The following RBPJ variants were observed in gnomAD, a reference collection of about 807,000 sequenced individuals.
RBPJ encodes the protein recombining binding protein suppressor of hairless.
A neutral mutation model predicts 67.8 loss-of-function variants in RBPJ; 9 were observed. The ratio of observed to expected loss-of-function variants is 0.13; its 90% confidence interval spans 0.08 to 0.23. The LOEUF is 0.23. RBPJ is among the 10% of genes least tolerant of loss of function. The pLI, the probability that RBPJ is intolerant of heterozygous loss-of-function variation, is 1.00. For synonymous variants in RBPJ, 198 were observed against 203.3 expected (o/e 0.97, Z 0.22); for missense variants, 305 against 595.6 (o/e 0.51, Z 5.08).
the RBPJ span, among the ~76,000 whole-genome samples, chr4:26,116,638 C>T: frequency 1.3e-5 from 2 of 152,196 alleles, no homozygotes; most frequent in East Asian, 3.8e-4. Context: ...GCTTCTTATG[C>T]CCATGAAGGT....
intron 1 of RBPJ, among the ~76,000 whole-genome samples, chr4:26,209,652 T>C (rs1163345577): frequency 9.5e-4 from 109 of 114,960 alleles, no homozygotes; most frequent in Middle Eastern, 5.3e-3. Context: ...CCTCCTTCCC[T>C]CTCTCCCTCC....
intron 1 of RBPJ, among the ~76,000 whole-genome samples, chr4:26,212,522 C>T (rs1219807781): frequency 1.4e-5 from 2 of 147,972 alleles, no homozygotes; most frequent in Non-Finnish European, 3.0e-5. Context: ...CTGCAACTTC[C>T]ACCTCCCAGG....
At chr4:26,292,422 A>AAT (rs1721700441) in intron 1 of RBPJ, among the ~76,000 whole-genome samples, 1 of 149,820 alleles carries the variant, frequency 6.7e-6, no homozygotes, top group Non-Finnish European at 1.5e-5. Context: ...ATGACTGAAT[A>AAT]ATATATATAT....
intron 1 of RBPJ, among the ~76,000 whole-genome samples, chr4:26,231,887 TTTTA>T (rs1553851397): frequency 7.9e-5 from 12 of 150,948 alleles, no homozygotes; most frequent in Non-Finnish European, 1.8e-4. Flanking sequence ...TTTTATTTAT[TTTTA>T]TTTATTTATT....
chr4:26,361,128 A>G (rs529514464), intron 1 of RBPJ, among the ~76,000 whole-genome samples: 9 of 151,712 alleles, frequency 5.9e-5, no homozygotes, highest in Non-Finnish European at 1.0e-4. Flanking sequence ...GGAAGGGGCC[A>G]GAGGGATGGA....
intron 1 of RBPJ, among the ~76,000 whole-genome samples, chr4:26,304,788 AT>A (rs34531799): frequency 0.012 from 1,744 of 142,166 alleles, 17 homozygotes; most frequent in South Asian, 0.063. Context: ...CCCATTCTGT[AT>A]TTTTTTTTTT....
chr4:26,419,378 G>A (rs926858035), intron 4 of RBPJ, among the ~76,000 whole-genome samples: 1 of 152,182 alleles, frequency 6.6e-6, no homozygotes, highest in Non-Finnish European at 1.5e-5. Flanking sequence ...TAAAAACTTA[G>A]TTAAATGTAT....
At position 26,327,542 on chromosome 4, in the gene RBPJ, GTTTTT is replaced by G. The variant is rs11350013; in HGVS notation, c.20+6514_20+6518del. Among the ~76,000 whole-genome samples the G allele has an allele frequency of 2.4e-4, 25 of 104,898 alleles. 1 individual carries two copies. The South Asian group carries it at 7.0e-3, about 29-fold the overall frequency. 68.8% of individuals were successfully genotyped at this position (104,898 alleles called of 152,430 possible). ...CTAGAGAATCAAGTTGACCCTGGAG[GTTTTT>G]TTTTTTTTTTTTTTTTTTTGTATTC... is the stretch of plus-strand genomic sequence containing the variant. On this transcript the variant is annotated intron_variant, in intron 1 of 10. Transcript: ENST00000355476.
chr4:26,257,362 G>T (rs1720375141), intron 1 of RBPJ, among the ~76,000 whole-genome samples: 1 of 152,252 alleles, frequency 6.6e-6, no homozygotes, highest in Non-Finnish European at 1.5e-5. Context: ...GGGCACGGCG[G>T]CTCATGCCTG....
chr4:26,321,110 G>C, intron 1 of RBPJ, 62 bp downstream of exon 1: 3 of 1,385,722 alleles, frequency 2.2e-6, no homozygotes, highest in East Asian at 4.9e-5. Context: ...GGCAGCTCAC[G>C]GCGGGCAGCG....
chr4:26,251,610 C>T, intron 1 of RBPJ, among the ~76,000 whole-genome samples: 1 of 130,560 alleles, frequency 7.7e-6, no homozygotes, highest in African/African-American at 3.0e-5. Context: ...TGCACATGAG[C>T]AACAGAGTAA....
At chr4:26,319,734 C>A, upstream of RBPJ, 1 of 817,350 alleles carries the variant, frequency 1.2e-6, no homozygotes, top group East Asian at 2.6e-5. Context: ...CAGTGCCGCT[C>A]GCGCGGGCCG....
At chr4:26,131,344 T>C in the RBPJ span, among the ~76,000 whole-genome samples, 3 of 152,166 alleles carry the variant, frequency 2.0e-5, no homozygotes, top group Non-Finnish European at 4.4e-5. Flanking sequence ...TTACAAGCAA[T>C]TTTTTAAAAA....
At chr4:26,398,585 A>G (rs915372947) in intron 2 of RBPJ, among the ~76,000 whole-genome samples, 3 of 151,948 alleles carry the variant, frequency 2.0e-5, no homozygotes, top group African/African-American at 7.3e-5. Context: ...ATCTCACCCC[A>G]CCCTGTCTTT....
At chr4:26,359,149 C>T (rs963287402) in intron 1 of RBPJ, among the ~76,000 whole-genome samples, 7 of 152,016 alleles carry the variant, frequency 4.6e-5, no homozygotes, top group African/African-American at 1.7e-4. Context: ...TCTCACGGAA[C>T]GTACATATTT....
intron 1 of RBPJ, among the ~76,000 whole-genome samples, chr4:26,337,682 C>CTTT (rs386356773): frequency 9.3e-5 from 10 of 108,000 alleles, no homozygotes; most frequent in South Asian, 3.0e-4. Context: ...ATTCTTTATC[C>CTTT]TTTTTTTTTT....
At chr4:26,276,162 C>T (rs1721074226) in intron 1 of RBPJ, among the ~76,000 whole-genome samples, 1 of 150,418 alleles carries the variant, frequency 6.6e-6, no homozygotes, top group Non-Finnish European at 1.5e-5. Context: ...GTAGTCCCAG[C>T]TACTTGGGAG....
At chr4:26,218,892 A>G (rs999584965) in intron 1 of RBPJ, among the ~76,000 whole-genome samples, 1 of 151,938 alleles carries the variant, frequency 6.6e-6, no homozygotes, top group African/African-American at 2.4e-5. Flanking sequence ...GAAATTGATT[A>G]CCCTGCCTCT....
intron 1 of RBPJ, among the ~76,000 whole-genome samples, chr4:26,341,978 A>T (rs1357287061): frequency 1.3e-5 from 2 of 152,220 alleles, no homozygotes; most frequent in Non-Finnish European, 2.9e-5. Flanking sequence ...GTGCAAAACT[A>T]GGCTGCCCAA....
Sources: gnomAD v4.1 joint callset for allele counts (sites outside exome capture counted in the v4.1 genomes callset) on GRCh38, gnomAD v4.1.1 for gene constraint, MANE v1.5 for transcripts, NCBI Gene and HGNC (gene_info 2026-07-23, HGNC 2026-07-21) for gene names.